The following KAT6B variants were observed in gnomAD, a reference collection of about 807,000 sequenced individuals.
KAT6B encodes histone acetyltransferase KAT6B.
Under a neutral mutation model 187.5 loss-of-function variants are expected in KAT6B, and 10 were observed. That is an observed-to-expected ratio of 0.05 (90% CI 0.03 to 0.09). KAT6B has a LOEUF of 0.09. Ranked by LOEUF, KAT6B falls within the 10% of genes least tolerant of loss-of-function variation. KAT6B has a pLI of 1.00. For missense variants in KAT6B, 1,952 were observed against 2,558.9 expected (o/e 0.76, Z 5.12); for synonymous variants, 861 against 926.8 (o/e 0.93, Z 1.29).
rs552078029 is a variant in KAT6B at position 74,913,444 on chromosome 10, TTC to T, written c.622-46515_622-46514del. 9.8e-5 allele frequency among the ~76,000 whole-genome samples: 15 copies of T among 152,328 alleles called. No individual in the cohort carries two copies. In the South Asian group the frequency reaches 3.1e-3, roughly 32 times the overall value. ...CTATTAAAAGTTATGTGAATTTGTT[TTC>T]TCTCTCTCTCAAAATATCCTGTTGT... On this transcript the variant is annotated intron_variant, in intron 3 of 17. Coordinates refer to ENST00000287239, the MANE Select transcript of KAT6B (RefSeq NM_012330.4).
chr10:74,875,069 GTGT>G lies in KAT6B; in HGVS notation c.621+31595_621+31597del, dbSNP rs1221304355. Reference sequence around the variant, plus strand: ...TAGTTTACATTAGGGTTTACTCCTGGTGTTGTATATTCTATGGGTGTGAGATAC... The same window carrying G: ...TAGTTTACATTAGGGTTTACTCCTGGTGTATATTCTATGGGTGTGAGATAC... On this transcript the variant is annotated intron_variant, in intron 3 of 17. Coordinates refer to ENST00000287239, the MANE Select transcript of KAT6B (RefSeq NM_012330.4). Among the ~76,000 whole-genome samples the G allele has an allele frequency of 4.3e-4, 66 of 152,252 alleles. 1 individual carries two copies. Among genetic ancestry groups the G allele is most frequent in the African/African-American group, 1.4e-3 (60 of 41,534 alleles).
At chr10:74,834,271 C>T (rs1445390309) in intron 1 of KAT6B, among the ~76,000 whole-genome samples, 1 of 151,366 alleles carries the variant, frequency 6.6e-6, no homozygotes, top group Non-Finnish European at 1.5e-5. Context: ...GATCTCGGCT[C>T]ACTGCATCCA....
chr10:75,000,206 A>G (rs147847311), intron 13 of KAT6B, among the ~76,000 whole-genome samples: 2,677 of 151,924 alleles, frequency 0.018, 56 homozygotes, highest in African/African-American at 0.033. Context: ...AAAGCAAAAC[A>G]AAACAAAACA....
intron 11 of KAT6B, chr10:74,984,465 A>T (rs1299859890): frequency 6.5e-6 from 1 of 153,196 alleles, no homozygotes; most frequent in East Asian, 1.9e-4. Context: ...GAAGAGAAGT[A>T]GACTGTAATC....
chr10:75,012,112 C>A (rs1331554527), intron 13 of KAT6B, among the ~76,000 whole-genome samples: 5 of 152,130 alleles, frequency 3.3e-5, no homozygotes, highest in Non-Finnish European at 5.9e-5. Flanking sequence ...GTCTGATGTG[C>A]AGGCAGGGTC....
intron 3 of KAT6B, among the ~76,000 whole-genome samples, chr10:74,936,437 T>C (rs1344870364): frequency 1.3e-5 from 2 of 151,938 alleles, no homozygotes; most frequent in East Asian, 3.9e-4. Context: ...TAAAACATGC[T>C]GAAGGGAATC....
At chr10:75,026,105 C>T (rs1293301324) in intron 17 of KAT6B, 1 of 145,888 alleles carries the variant, frequency 6.9e-6, no homozygotes, top group Non-Finnish European at 1.5e-5. Flanking sequence ...ATGATCGTGC[C>T]ACTGCACTCC....
At chr10:74,953,949 G>A (rs182079567) in intron 3 of KAT6B, among the ~76,000 whole-genome samples, 121 of 152,276 alleles carry the variant, frequency 7.9e-4, no homozygotes, top group Middle Eastern at 3.4e-3. Context: ...CTTAGAAAAT[G>A]CTATCTTATT....
At chr10:74,927,095 A>G (rs1848561636) in intron 3 of KAT6B, among the ~76,000 whole-genome samples, 1 of 152,204 alleles carries the variant, frequency 6.6e-6, no homozygotes, top group African/African-American at 2.4e-5. Context: ...TTATCACAAA[A>G]TCTCACTGAG....
intron 3 of KAT6B, among the ~76,000 whole-genome samples, chr10:74,933,650 A>C (rs12268179): frequency 0.026 from 3,930 of 152,304 alleles, 117 homozygotes; most frequent in African/African-American, 0.071. Flanking sequence ...TAAGAAAACT[A>C]GCTGTATCTT....
chr10:74,998,368 A>C lies in KAT6B; in HGVS notation c.2629+9256A>C, dbSNP rs11001240. Among the ~76,000 whole-genome samples, 621 of 152,236 alleles carry C rather than the reference A, an allele frequency of 4.1e-3. 5 individuals are homozygous for C. Among genetic ancestry groups the C allele is most frequent in the African/African-American group, 0.014 (601 of 41,546 alleles). ...TTTTGTTTCATATTATTATGTTTTA[A>C]ATAGTGGACTTCTCTTTTTGCCTCC... On this transcript the variant is annotated intron_variant, in intron 13 of 17. Transcript: ENST00000287239.
chr10:74,912,089 A>C (rs1040607854), intron 3 of KAT6B, among the ~76,000 whole-genome samples: 1 of 152,192 alleles, frequency 6.6e-6, no homozygotes, highest in Non-Finnish European at 1.5e-5. Context: ...TATAGGTGTG[A>C]GTTATCACAG....
chr10:74,895,363 A>G (rs1465220757), intron 3 of KAT6B, among the ~76,000 whole-genome samples: 4 of 150,258 alleles, frequency 2.7e-5, no homozygotes, highest in Non-Finnish European at 5.9e-5. Context: ...CTTTAATCAT[A>G]TTATTATTAT....
intron 11 of KAT6B, chr10:74,983,784 C>T (rs1201648111): frequency 6.6e-6 from 1 of 152,068 alleles, no homozygotes; most frequent in South Asian, 2.1e-4. Flanking sequence ...TTCACTTATA[C>T]GAATAAGGAG....
At chr10:75,020,235 GT>G (rs1398181622) in intron 13 of KAT6B, among the ~76,000 whole-genome samples, 3 of 152,302 alleles carry the variant, frequency 2.0e-5, no homozygotes, top group African/African-American at 7.2e-5. Flanking sequence ...CTGACATTTC[GT>G]TTTTGAAAGA....
intron 3 of KAT6B, among the ~76,000 whole-genome samples, chr10:74,949,149 A>G (rs1039235700): frequency 3.9e-5 from 6 of 152,364 alleles, no homozygotes; most frequent in Admixed American, 2.0e-4. Context: ...TATTGCTAAT[A>G]TCATGATATG....
intron 3 of KAT6B, among the ~76,000 whole-genome samples, chr10:74,943,757 CA>C (rs1270460402): frequency 5.9e-5 from 9 of 151,980 alleles, no homozygotes; most frequent in Non-Finnish European, 1.2e-4. Flanking sequence ...AGATTGAACA[CA>C]AAAAGTAGAA....
intron 3 of KAT6B, among the ~76,000 whole-genome samples, chr10:74,947,578 A>G (rs1840041057): frequency 1.3e-5 from 2 of 152,234 alleles, no homozygotes; most frequent in African/African-American, 4.8e-5. Context: ...CCAAACAAGG[A>G]TCTTCCAAGA....
chr10:74,916,612 A>T (rs1437354369), intron 3 of KAT6B, among the ~76,000 whole-genome samples: 1 of 152,214 alleles, frequency 6.6e-6, no homozygotes, highest in East Asian at 1.9e-4. Flanking sequence ...GGCCATAGAC[A>T]TATTTGTAGG....
Sources: allele counts gnomAD v4.1 joint callset (sites outside exome capture counted in the v4.1 genomes callset), GRCh38; gene constraint gnomAD v4.1.1; transcripts MANE v1.5; gene names NCBI Gene and HGNC (gene_info 2026-07-23, HGNC 2026-07-21).